ZFPM2: variants seen among roughly 807,000 people sequenced by gnomAD.
ZFPM2 encodes zinc finger protein, FOG family member 2.
Under a neutral mutation model 98.6 loss-of-function variants are expected in ZFPM2, and 20 were observed. That is an observed-to-expected ratio of 0.20 (90% CI 0.14 to 0.29). ZFPM2 has a LOEUF of 0.29. ZFPM2 is among the 10% of genes least tolerant of loss of function. The probability of loss-of-function intolerance (pLI) is 1.00; values close to 1 mark genes in which losing one functional copy is unlikely to be tolerated. For synonymous variants in ZFPM2, 518 were observed against 502.7 expected, an observed-to-expected ratio of 1.03 and a Z score of -0.41; for missense variants, 1,310 against 1,388.6, an observed-to-expected ratio of 0.94 and a Z score of 0.90.
intron 5 of ZFPM2, among the ~76,000 whole-genome samples, chr8:105,715,669 C>G (rs1375805934): frequency 6.6e-6 from 1 of 151,924 alleles, no homozygotes; most frequent in African/African-American, 2.4e-5. Flanking sequence ...GATTAACTGG[C>G]TTTTTCACCA....
chr8:105,767,072 G>A (rs535826444), intron 5 of ZFPM2, among the ~76,000 whole-genome samples: 1 of 152,010 alleles, frequency 6.6e-6, no homozygotes, highest in African/African-American at 2.4e-5. Flanking sequence ...TTGAATGCCA[G>A]TCAAAGATAC....
At chr8:105,330,541 TATATATATATA>T (rs1812193116) in intron 1 of ZFPM2, among the ~76,000 whole-genome samples, 2 of 82,470 alleles carry the variant, frequency 2.4e-5, no homozygotes, top group African/African-American at 8.7e-5. Flanking sequence ...TCTCTCTCTA[TATATATATATA>T]CATATATATA....
intron 3 of ZFPM2, among the ~76,000 whole-genome samples, chr8:105,505,945 T>A (rs1208119460): frequency 6.6e-6 from 1 of 152,014 alleles, no homozygotes; most frequent in East Asian, 1.9e-4. Context: ...TAACTCTTTT[T>A]TTAACAATGA....
At chr8:105,554,035 C>T (rs1814926500) in intron 3 of ZFPM2, among the ~76,000 whole-genome samples, 1 of 152,058 alleles carries the variant, frequency 6.6e-6, no homozygotes, top group Admixed American at 6.6e-5. Flanking sequence ...TAGGGAACGT[C>T]GTATTTCAAG....
At chr8:105,493,605 C>T (rs1316846879) in intron 3 of ZFPM2, among the ~76,000 whole-genome samples, 1 of 152,158 alleles carries the variant, frequency 6.6e-6, no homozygotes, top group Non-Finnish European at 1.5e-5. Flanking sequence ...ATTCTCCCAC[C>T]TTGGTCTCAG....
intron 5 of ZFPM2, among the ~76,000 whole-genome samples, chr8:105,741,307 A>G (rs186808446): frequency 1.9e-3 from 285 of 152,214 alleles, no homozygotes; most frequent in Non-Finnish European, 3.1e-3. Flanking sequence ...CTGAGCGCCT[A>G]TTAGGAAGTC....
chr8:105,731,005 A>G (rs1414979793), intron 5 of ZFPM2, among the ~76,000 whole-genome samples: 7 of 151,634 alleles, frequency 4.6e-5, no homozygotes, highest in African/African-American at 1.5e-4. Flanking sequence ...TTCAACACTT[A>G]TCTTGACTAC....
At chr8:105,650,565 T>A (rs1354401124) in intron 5 of ZFPM2, among the ~76,000 whole-genome samples, 1 of 152,206 alleles carries the variant, frequency 6.6e-6, no homozygotes, top group Non-Finnish European at 1.5e-5. Flanking sequence ...CCAGAGATTC[T>A]GGTATGTTGT....
At chr8:105,438,747 T>A (rs1183944757) in intron 2 of ZFPM2, among the ~76,000 whole-genome samples, 17 of 152,114 alleles carry the variant, frequency 1.1e-4, no homozygotes, top group Admixed American at 1.1e-3. Flanking sequence ...TTACTGTATT[T>A]GTATCACAGG....
At chr8:105,441,980 T>A (rs566255011) in intron 2 of ZFPM2, among the ~76,000 whole-genome samples, 1 of 152,244 alleles carries the variant, frequency 6.6e-6, no homozygotes, top group African/African-American at 2.4e-5. Flanking sequence ...TTTTATGGTG[T>A]GCCTTTATGC....
intron 5 of ZFPM2, among the ~76,000 whole-genome samples, chr8:105,664,745 T>A (rs1817458389): frequency 6.6e-6 from 1 of 152,188 alleles, no homozygotes; most frequent in Non-Finnish European, 1.5e-5. Context: ...TTTTTGTTCT[T>A]TAAAAAAATC....
Position 105,431,260 on chromosome 8 carries a change from T to C in ZFPM2, c.199+11958T>C, listed in dbSNP as rs112904701. On this transcript the variant is annotated intron_variant, in intron 2 of 7. Coordinates refer to ENST00000407775, the MANE Select transcript of ZFPM2 (RefSeq NM_012082.4). ...TGCTAAAAGAGAAGCCTCTGGTTTG[T>C]TGTCAAGTGGCCATATGCCCAACTC... Among the ~76,000 whole-genome samples the C allele has an allele frequency of 3.8e-4, 58 of 152,268 alleles. 1 individual carries two copies. Among genetic ancestry groups the C allele is most frequent in the African/African-American group, 1.4e-3 (57 of 41,544 alleles).
chr8:105,559,492 G>A (rs989770776), intron 3 of ZFPM2, among the ~76,000 whole-genome samples: 8 of 151,998 alleles, frequency 5.3e-5, no homozygotes, highest in African/African-American at 1.7e-4. Flanking sequence ...TGAGAAGAAG[G>A]GTGAATGAAA....
rs190199757 is a variant in ZFPM2, at chr8:105,638,171, C to G, written c.532+3814C>G. ...ACTTATTCCACCAGCATAGCAACTT[C>G]GGTGAAAAGAGAGCTTTTCTGGGTT... On this transcript the variant is annotated intron_variant, in intron 5 of 7. Transcript: ENST00000407775. Among the ~76,000 whole-genome samples the G allele has an allele frequency of 5.3e-5, 8 of 152,148 alleles. No homozygotes were observed. The East Asian group carries it at 1.6e-3, about 30-fold the overall frequency.
intron 1 of ZFPM2, among the ~76,000 whole-genome samples, chr8:105,413,291 A>T (rs187357979): frequency 3.3e-5 from 5 of 151,936 alleles, no homozygotes; most frequent in African/African-American, 9.6e-5. Context: ...CAAGTTTAAA[A>T]TGAAAAGTTA....
chr8:105,672,689 C>T (rs1817618241), intron 5 of ZFPM2, among the ~76,000 whole-genome samples: 1 of 152,026 alleles, frequency 6.6e-6, no homozygotes, highest in Non-Finnish European at 1.5e-5. Context: ...AAAAATTTCA[C>T]TAATATTGCT....
intron 3 of ZFPM2, among the ~76,000 whole-genome samples, chr8:105,517,705 CACCA>C (rs1423178363): frequency 3.9e-4 from 14 of 36,146 alleles, no homozygotes; most frequent in East Asian, 2.8e-3. Context: ...CACACACACA[CACCA>C]CACACACACA....
At chr8:105,372,584 G>A (rs1306745040) in intron 1 of ZFPM2, among the ~76,000 whole-genome samples, 1 of 152,048 alleles carries the variant, frequency 6.6e-6, no homozygotes, top group South Asian at 2.1e-4. Flanking sequence ...CTGGTAGATG[G>A]AAAAGTATTC....
chr8:105,379,825 A>G (rs1454467673), intron 1 of ZFPM2, among the ~76,000 whole-genome samples: 1 of 152,094 alleles, frequency 6.6e-6, no homozygotes, highest in African/African-American at 2.4e-5. Flanking sequence ...GTATAGACCA[A>G]TATTAATTTT....
Sources: allele counts gnomAD v4.1 joint callset (sites outside exome capture counted in the v4.1 genomes callset), GRCh38; gene constraint gnomAD v4.1.1; transcripts MANE v1.5; gene names NCBI Gene and HGNC (gene_info 2026-07-23, HGNC 2026-07-21).